Variants in PIGW observed in about 807,000 individuals in gnomAD.
PIGW encodes phosphatidylinositol glycan anchor biosynthesis class W.
In PIGW, 23 loss-of-function variants were observed where a neutral mutation model predicts 34.0. The observed-to-expected ratio is 0.68, with a 90% CI of 0.49 to 0.96. The LOEUF is 0.96. PIGW is among the 40% of genes least tolerant of loss of function. The pLI, the probability that PIGW is intolerant of heterozygous loss-of-function variation, is 0.00. For missense variants in PIGW, 574 were observed against 586.3 expected, an observed-to-expected ratio of 0.98 and a Z score of 0.22; for synonymous variants, 225 against 225.2, an observed-to-expected ratio of 1.00 and a Z score of 0.01.
rs780171339 is a variant in PIGW at position 36,538,397 on chromosome 17, A to G, written c.1296A>G (p.Glu432=). The G allele has an allele frequency of 6.2e-7, 1 of 1,614,186 alleles. No individual in the cohort carries two copies. The highest frequency in any genetic ancestry group is 8.5e-7 in the Non-Finnish European group (1 of 1,180,032). ...KHSESLVPEA[E]RMEPSLCLIT... ...CAGAATCTCTAGTCCCTGAAGCCGA[A>G]AGAATGGAACCCAGTCTTTGTTTAA... The change falls in exon 2 of 2, where the codon GAA becomes GAG. Residue 432 remains glutamate (E), a synonymous_variant. Coordinates refer to ENST00000614443, the MANE Select transcript of PIGW (RefSeq NM_001346754.2).
rs2074156272 is a variant in PIGW at position 36,537,368 on chromosome 17, T to C, written c.267T>C (p.Phe89=). The C allele has an allele frequency of 6.2e-7, 1 of 1,613,896 alleles. No homozygotes were observed. Among genetic ancestry groups the C allele is most frequent in the Non-Finnish European group, 8.5e-7 (1 of 1,180,002 alleles). Reference sequence around the variant, plus strand: ...TTGAGCTTCTCGGTGTAATTATCTTTGGGGCAGGGCTGTTGTATCAAATAT... The same window carrying C: ...TTGAGCTTCTCGGTGTAATTATCTTCGGGGCAGGGCTGTTGTATCAAATAT... ...ILLELLGVII[F]GAGLLYQIYR... is the part of the protein sequence containing the mutation. Residue 89 remains phenylalanine (F), a synonymous_variant, in exon 2 of 2, where the codon TTT becomes TTC. Transcript: ENST00000614443.
In PIGW at chr17:36,537,924, G is replaced by A. The variant is rs751022700; in HGVS notation, c.823G>A (p.Ala275Thr). ...ALGITVLYQLALDFTSLKRLI... is the reference protein window; with the variant it reads ...ALGITVLYQLTLDFTSLKRLI... ...CGGCATTACTGTATTATACCAGCTAGCCCTTGACTTTACCTCACTGAAGAG... is the reference window on the plus strand; with the variant it reads ...CGGCATTACTGTATTATACCAGCTAACCCTTGACTTTACCTCACTGAAGAG... Residue 275 changes from alanine (A) to threonine (T), a missense_variant, in exon 2 of 2, where the codon GCC becomes ACC. By Grantham distance (58) the Ala-to-Thr change is moderately conservative (BLOSUM62 0). Coordinates refer to ENST00000614443, the MANE Select transcript of PIGW (RefSeq NM_001346754.2). 2 of 1,613,982 alleles carry A rather than the reference G, an allele frequency of 1.2e-6. No homozygotes were observed. Among genetic ancestry groups the A allele is most frequent in the Non-Finnish European group, 1.7e-6 (2 of 1,180,000 alleles).
chr17:36,538,550 T>TA lies in PIGW; in HGVS notation c.1450dup (p.Met484AsnfsTer16). On this transcript the variant is annotated frameshift_variant, in exon 2 of 2. Transcript: ENST00000614443. LOFTEE classifies it high-confidence loss of function. ...GGGCCTTATTTGTGGTCAATCTCTA[T>TA]ATGTTTTCCAACTGTTTAATTGTAT... 6.2e-7 allele frequency: 1 copy of TA among 1,613,834 alleles called. No homozygotes were observed. Among genetic ancestry groups the TA allele is most frequent in the Middle Eastern group, 1.6e-4 (1 of 6,062 alleles).
rs781099324 is a variant in PIGW at position 36,538,310 on chromosome 17, A to C, written c.1209A>C (p.Lys403Asn). ...TGAGTTTTGCCAAATTTCTAATTAAAGGAGCTCTAGTACCATGTTCTTGGA... is the reference window on the plus strand; with the variant it reads ...TGAGTTTTGCCAAATTTCTAATTAACGGAGCTCTAGTACCATGTTCTTGGA... Reference protein sequence around the residue: ...IILSFAKFLIKGALVPCSWKL... With the variant: ...IILSFAKFLINGALVPCSWKL... Residue 403 changes from lysine (K) to asparagine (N), a missense_variant, in exon 2 of 2, where the codon AAA becomes AAC. Transcript: ENST00000614443. The C allele has an allele frequency of 6.2e-7, 1 of 1,613,652 alleles. No homozygotes were observed. Among genetic ancestry groups the C allele is most frequent in the South Asian group, 1.1e-5 (1 of 90,994 alleles).
chr17:36,538,081 A>T lies in PIGW; in HGVS notation c.980A>T (p.His327Leu). 6.2e-7 allele frequency: 1 copy of T among 1,614,222 alleles called. No homozygotes were observed. Among genetic ancestry groups the T allele is most frequent in the East Asian group, 2.2e-5 (1 of 44,884 alleles). Reference protein sequence around the residue: ...MAGVQTGLYMHKNRSHIKDLI... With the variant: ...MAGVQTGLYMLKNRSHIKDLI... ...GGTGTGCAAACAGGGTTATATATGC[A>T]TAAGAACCGATCACATATCAAAGAC... The change falls in exon 2 of 2, where the codon CAT becomes CTT. Residue 327 changes from histidine (H) to leucine (L), a missense_variant. His to Leu is a moderately conservative substitution (Grantham distance 99). Transcript: ENST00000614443.
In PIGW at chr17:36,538,070, G is replaced by A. The variant is rs1476685333; in HGVS notation, c.969G>A (p.Gly323=). 1 of 1,614,194 alleles carries A rather than the reference G, an allele frequency of 6.2e-7. No homozygotes were observed. The highest frequency in any genetic ancestry group is 8.5e-7 in the Non-Finnish European group (1 of 1,180,048). The change falls in exon 2 of 2, where the codon GGG becomes GGA. Residue 323 remains glycine, a synonymous_variant. Transcript: ENST00000614443. ...TACACATGGCTGGTGTGCAAACAGGGTTATATATGCATAAGAACCGATCAC... is the reference window on the plus strand; with the variant it reads ...TACACATGGCTGGTGTGCAAACAGGATTATATATGCATAAGAACCGATCAC... The part of the protein sequence containing the change: ...VAIHMAGVQT[G]LYMHKNRSHI...
chr17:36,537,234 T>TA lies in PIGW; in HGVS notation c.134dup (p.Tyr45Ter). ...CRGFLIIFSQ[Y>*]LCSFSPTWKT... The stretch of plus-strand genomic sequence containing the variant: ...AGGGTTCCTGATCATTTTCTCACAG[T>TA]ACTTGTGTTCTTTTTCACCTACCTG... Residue 45 changes from tyrosine to a stop codon, truncating the protein, a stop_gained and frameshift_variant, in exon 2 of 2, where the codon TAC becomes TAAC. Coordinates refer to ENST00000614443, the MANE Select transcript of PIGW (RefSeq NM_001346754.2). LOFTEE classifies it high-confidence loss of function. 6.2e-7 allele frequency: 1 copy of TA among 1,614,204 alleles called. No homozygotes were observed. Among genetic ancestry groups the TA allele is most frequent in the Non-Finnish European group, 8.5e-7 (1 of 1,180,030 alleles).
rs755604523 is a variant in PIGW, at chr17:36,538,154, C to T, written c.1053C>T (p.Phe351=). The change falls in exon 2 of 2, where the codon TTC becomes TTT. Residue 351 remains phenylalanine, a synonymous_variant. Coordinates refer to ENST00000614443, the MANE Select transcript of PIGW (RefSeq NM_001346754.2). ...CFLLLAAISL[F]ISLYVVQVNV... is the part of the protein sequence containing the mutation. ...TTTTACTGGCAGCTATTAGCCTCTTCATATCTCTTTACGTAGTTCAAGTAA... is the reference window on the plus strand; with the variant it reads ...TTTTACTGGCAGCTATTAGCCTCTTTATATCTCTTTACGTAGTTCAAGTAA... 1 of 1,614,102 alleles carries T rather than the reference C, an allele frequency of 6.2e-7. No individual in the cohort carries two copies. The highest frequency in any genetic ancestry group is 1.7e-5 in the Admixed American group (1 of 60,020).
Position 36,537,488 on chromosome 17 carries a change from C to T in PIGW, c.387C>T (p.Ile129=). The T allele has an allele frequency of 6.2e-7, 1 of 1,614,160 alleles. No individual in the cohort carries two copies. The highest frequency in any genetic ancestry group is 8.5e-7 in the Non-Finnish European group (1 of 1,180,030). The change falls in exon 2 of 2, where the codon ATC becomes ATT. Residue 129 remains isoleucine, a synonymous_variant. Coordinates refer to ENST00000614443, the MANE Select transcript of PIGW (RefSeq NM_001346754.2). ...ISLESEYNPA[I]SCFRVITSAF... is the part of the protein sequence containing the mutation. The stretch of plus-strand genomic sequence containing the variant: ...TAGAATCAGAATACAATCCAGCCAT[C>T]TCCTGTTTCCGTGTAATTACCAGTG...
At position 36,537,541 on chromosome 17, in the gene PIGW, T is replaced by C. The variant is rs368594057; in HGVS notation, c.440T>C (p.Val147Ala). The change falls in exon 2 of 2, where the codon GTG becomes GCG. Residue 147 changes from valine to alanine, a missense_variant. Coordinates refer to ENST00000614443, the MANE Select transcript of PIGW (RefSeq NM_001346754.2). Reference protein sequence around the residue: ...SAFTAIAILAVDFPLFPRRFA... With the variant: ...SAFTAIAILAADFPLFPRRFA... Reference sequence around the variant, plus strand: ...TTTACTGCTATTGCTATTTTGGCTGTGGACTTCCCACTTTTTCCCAGAAGA... The same window carrying C: ...TTTACTGCTATTGCTATTTTGGCTGCGGACTTCCCACTTTTTCCCAGAAGA... The C allele has an allele frequency of 1.2e-6, 2 of 1,614,242 alleles. No individual in the cohort carries two copies. The highest frequency in any genetic ancestry group is 1.1e-5 in the South Asian group (1 of 91,088).
intron 1 of PIGW, 99 bp from the exon 2 acceptor site, chr17:36,536,995 C>G: frequency 9.5e-7 from 1 of 1,049,708 alleles, no homozygotes; most frequent in South Asian, 1.7e-5. Flanking sequence ...CAAAGTTCTG[C>G]TCTGAAATCT....
Position 36,539,128 on chromosome 17 carries a change from T to G in PIGW, c.*512T>G, listed in dbSNP as rs2074181433. The G allele has an allele frequency of 6.0e-6, 1 of 167,184 alleles. No homozygotes were observed. Among genetic ancestry groups the G allele is most frequent in the Non-Finnish European group, 1.5e-5 (1 of 68,226 alleles). The allele number at this position is 167,184 out of a possible 1,614,324, so 10.4% of individuals were successfully genotyped here. A position where few individuals can be genotyped will look rare whatever the true frequency, so the allele number is the denominator to read the frequency against. The stretch of plus-strand genomic sequence containing the variant: ...AAGCCTTTTGACTTGTTAGAATGTA[T>G]TAAGTAGTATTTTAAAGAAACTTTA... On this transcript the variant is annotated 3_prime_UTR_variant, in exon 2 of 2. Coordinates refer to ENST00000614443, the MANE Select transcript of PIGW (RefSeq NM_001346754.2).
rs1344936820 is a variant in PIGW, at chr17:36,538,386, C to T, written c.1285C>T (p.Pro429Ser). 1 of 1,614,010 alleles carries T rather than the reference C, an allele frequency of 6.2e-7. No individual in the cohort carries two copies. Among genetic ancestry groups the T allele is most frequent in the East Asian group, 2.2e-5 (1 of 44,870 alleles). Residue 429 changes from proline to serine, a missense_variant, in exon 2 of 2, where the codon CCT becomes TCT. Pro to Ser is a moderately conservative substitution (Grantham distance 74). Coordinates refer to ENST00000614443, the MANE Select transcript of PIGW (RefSeq NM_001346754.2). ...TNKKHSESLV[P>S]EAERMEPSLC... is the part of the protein sequence containing the mutation. ...TAAAAAGCATTCAGAATCTCTAGTC[C>T]CTGAAGCCGAAAGAATGGAACCCAG...
Position 36,537,297 on chromosome 17 carries a change from G to T in PIGW, c.196G>T (p.Val66Phe). ...CCTCACTGACTTTGTTGTCCTAATA[G>T]TTCCCATGGTAGCCACTTTGACCAT... ...RFLTDFVVLI[V>F]PMVATLTIWA... is the part of the protein sequence containing the mutation. Residue 66 changes from valine to phenylalanine, a missense_variant, in exon 2 of 2, where the codon GTT (valine) becomes TTT (phenylalanine). Physicochemically the swap from Val to Phe is conservative, Grantham distance 50. Coordinates refer to ENST00000614443, the MANE Select transcript of PIGW (RefSeq NM_001346754.2). The T allele has an allele frequency of 6.2e-7, 1 of 1,613,594 alleles. No individual in the cohort carries two copies. The highest frequency in any genetic ancestry group is 8.5e-7 in the Non-Finnish European group (1 of 1,179,986).
Position 36,537,081 on chromosome 17 carries a change from C to T in PIGW, c.-8-13C>T, listed in dbSNP as rs1227482926. 3.2e-6 allele frequency: 5 copies of T among 1,562,576 alleles called. No individual in the cohort carries two copies. The highest frequency in any genetic ancestry group is 1.7e-6 in the Non-Finnish European group (2 of 1,155,236). ...CTTTTCACAAATCCATTCCTTTGCT[C>T]TTGTTTTCACAGGAAGAAAAATGTC... On this transcript the variant is annotated splice_polypyrimidine_tract_variant and intron_variant, in intron 1 of 1. Coordinates refer to ENST00000614443, the MANE Select transcript of PIGW (RefSeq NM_001346754.2).
rs772740314 is a variant in PIGW at position 36,538,217 on chromosome 17, C to G, written c.1116C>G (p.Ala372=). Residue 372 remains alanine, a synonymous_variant, in exon 2 of 2, where the codon GCC becomes GCG. Transcript: ENST00000614443. Reference sequence around the variant, plus strand: ...TATCTCGAAGAATGGCAAATTTAGCCTTTTGTATTTGGATAGTTGCTTCTA... The same window carrying G: ...TATCTCGAAGAATGGCAAATTTAGCGTTTTGTATTTGGATAGTTGCTTCTA... ...EAVSRRMANL[A]FCIWIVASSL... 6.2e-7 allele frequency: 1 copy of G among 1,613,082 alleles called. No individual in the cohort carries two copies. The highest frequency in any genetic ancestry group is 1.1e-5 in the South Asian group (1 of 91,076).
intron 1 of PIGW, among the ~76,000 whole-genome samples, chr17:36,536,848 CA>C (rs1402359350): frequency 6.6e-6 from 1 of 152,186 alleles, no homozygotes; most frequent in Non-Finnish European, 1.5e-5. Flanking sequence ...CTGTCTTGTA[CA>C]GGGAATAGCT....
chr17:36,536,049 A>G (rs558099871), intron 1 of PIGW, among the ~76,000 whole-genome samples: 14 of 152,342 alleles, frequency 9.2e-5, no homozygotes, highest in African/African-American at 3.4e-4. Flanking sequence ...CTCTAGGTTC[A>G]TGTTTAACCA....
Position 36,537,232 on chromosome 17 carries a change from A to G in PIGW, c.131A>G (p.Gln44Arg), listed in dbSNP as rs1409685480. The stretch of plus-strand genomic sequence containing the variant: ...AGAGGGTTCCTGATCATTTTCTCAC[A>G]GTACTTGTGTTCTTTTTCACCTACC... Reference protein sequence around the residue: ...LCRGFLIIFSQYLCSFSPTWK... With the variant: ...LCRGFLIIFSRYLCSFSPTWK... Residue 44 changes from glutamine to arginine, a missense_variant, in exon 2 of 2, where the codon CAG becomes CGG. By Grantham distance (43) the Gln-to-Arg change is conservative (BLOSUM62 1). Coordinates refer to ENST00000614443, the MANE Select transcript of PIGW (RefSeq NM_001346754.2). The G allele has an allele frequency of 6.2e-7, 1 of 1,614,088 alleles. No individual in the cohort carries two copies. The highest frequency in any genetic ancestry group is 1.1e-5 in the South Asian group (1 of 91,086).
Sources: allele counts gnomAD v4.1 joint callset (sites outside exome capture counted in the v4.1 genomes callset), GRCh38; gene constraint gnomAD v4.1.1; transcripts MANE v1.5; gene names NCBI Gene and HGNC (gene_info 2026-07-23, HGNC 2026-07-21).